NHS: variants seen among roughly 807,000 people sequenced by gnomAD.
NHS encodes NHS actin remodeling regulator.
In NHS, 5 loss-of-function variants were observed where a neutral mutation model predicts 72.5. That is an observed-to-expected ratio of 0.07 (90% CI 0.04 to 0.14). The LOEUF is 0.14. Ranked by LOEUF, NHS falls within the 10% of genes least tolerant of loss-of-function variation. The probability of loss-of-function intolerance (pLI) is 1.00; values close to 1 mark genes in which losing one functional copy is unlikely to be tolerated. For missense variants in NHS, 1,072 were observed against 1,355.7 expected (o/e 0.79, Z 3.29); for synonymous variants, 464 against 547.7 (o/e 0.85, Z 2.13).
In NHS at chrX:17,726,815, C is replaced by T. The variant is rs771010114; in HGVS notation, c.2709C>T (p.Asn903=). The change falls in exon 7 of 9, where the codon AAC becomes AAT. Residue 903 remains asparagine (N), a synonymous_variant. Transcript: ENST00000676302. ...DFANTPSRME[N]ANLPTKQEPS... is the part of the protein sequence containing the mutation. ...CCAACACGCCTTCTCGAATGGAAAA[C>T]GCCAATCTTCCCACCAAGCAGGAAC... is the stretch of plus-strand genomic sequence containing the variant. 3.1e-5 allele frequency: 38 copies of T among 1,210,134 alleles called. No homozygotes were observed. Among genetic ancestry groups the T allele is most frequent in the Admixed American group, 1.5e-4 (7 of 45,764 alleles).
intron 1 of NHS, among the ~76,000 whole-genome samples, chrX:17,505,256 C>T (rs904967738): frequency 4.5e-5 from 5 of 111,747 alleles, no homozygotes; most frequent in African/African-American, 1.6e-4. Context: ...AACATTGCTG[C>T]ATTGTGTATT....
chrX:17,659,222 G>A (rs1181704758), intron 1 of NHS, among the ~76,000 whole-genome samples: 1 of 112,248 alleles, frequency 8.9e-6, no homozygotes, highest in Non-Finnish European at 1.9e-5. Context: ...AATCTAGTCT[G>A]TGTGCAGTTT....
chrX:17,589,398 A>G (rs777265166), intron 1 of NHS, among the ~76,000 whole-genome samples: 1 of 111,891 alleles, frequency 8.9e-6, no homozygotes, highest in South Asian at 3.8e-4. Flanking sequence ...CCCACTTATA[A>G]GTAAGAACAT....
At chrX:17,507,993 C>T (rs1422937505) in intron 1 of NHS, among the ~76,000 whole-genome samples, 2 of 111,362 alleles carry the variant, frequency 1.8e-5, no homozygotes, top group African/African-American at 3.3e-5. Context: ...TCATAGTAAG[C>T]CTGAGGTTGT....
At position 17,726,061 on chromosome X, in the gene NHS, C is replaced by T. The variant is rs756326507; in HGVS notation, c.1955C>T (p.Ala652Val). 2 of 1,211,985 alleles carry T rather than the reference C, an allele frequency of 1.7e-6. No homozygotes were observed. The highest frequency in any genetic ancestry group is 2.2e-6 in the Non-Finnish European group (2 of 895,522). The change falls in exon 7 of 9, where the codon GCA (alanine) becomes GTA (valine). Residue 652 changes from alanine (A) to valine (V), a missense_variant. Coordinates refer to ENST00000676302, the MANE Select transcript of NHS (RefSeq NM_001291867.2). Reference sequence around the variant, plus strand: ...CAGACCTCAGAAACCATCCCTCCTGCAGCTTCTCCTCCACTCACTGGCTCT... The same window carrying T: ...CAGACCTCAGAAACCATCCCTCCTGTAGCTTCTCCTCCACTCACTGGCTCT... ...PSQTSETIPP[A>V]ASPPLTGSSH...
At chrX:17,714,509 C>T (rs1044635259) in intron 3 of NHS, among the ~76,000 whole-genome samples, 2 of 111,763 alleles carry the variant, frequency 1.8e-5, no homozygotes, top group African/African-American at 3.3e-5. Context: ...TCCTCCTGTG[C>T]TTTGCTGTCT....
intron 1 of NHS, among the ~76,000 whole-genome samples, chrX:17,580,487 A>G (rs1773370698): frequency 8.9e-6 from 1 of 112,409 alleles, no homozygotes; most frequent in Non-Finnish European, 1.9e-5. Flanking sequence ...TAGATAAAGT[A>G]GATAGTATGT....
chrX:17,623,542 T>C (rs1441137685), intron 1 of NHS, among the ~76,000 whole-genome samples: 1 of 111,044 alleles, frequency 9.0e-6, no homozygotes, highest in Admixed American at 9.5e-5. Flanking sequence ...TTGTTCCTGA[T>C]GAAGGTTGGA....
chrX:17,470,609 C>T (rs1569261264), intron 1 of NHS, among the ~76,000 whole-genome samples: 1 of 111,736 alleles, frequency 8.9e-6, no homozygotes, highest in East Asian at 2.8e-4. Flanking sequence ...CTGCCCAGGT[C>T]TCTTTACCTG....
intron 1 of NHS, among the ~76,000 whole-genome samples, chrX:17,540,227 C>T (rs181689465): frequency 1.8e-5 from 2 of 111,528 alleles, no homozygotes; most frequent in African/African-American, 6.5e-5. Flanking sequence ...TCCACAGTAA[C>T]CCTAGGGAGG....
chrX:17,598,398 T>C (rs1421666042), intron 1 of NHS, among the ~76,000 whole-genome samples: 1 of 112,488 alleles, frequency 8.9e-6, no homozygotes, highest in East Asian at 2.8e-4. Flanking sequence ...CCTTAACTCT[T>C]CTTTAGTCTC....
Position 17,468,424 on chromosome X carries a change from T to C in NHS, c.565+92102T>C, listed in dbSNP as rs184074519. Among the ~76,000 whole-genome samples, 156 of 110,189 alleles carry C rather than the reference T, an allele frequency of 1.4e-3. 1 individual carries two copies. Among genetic ancestry groups the C allele is most frequent in the African/African-American group, 4.7e-3 (144 of 30,404 alleles). On this transcript the variant is annotated intron_variant, in intron 1 of 8. Transcript: ENST00000676302. ...ACTCTCAGCTCATCATTTAAAGATATTGGGAGAGAGCTTTTTTTTTTTTTC... is the reference window on the plus strand; with the variant it reads ...ACTCTCAGCTCATCATTTAAAGATACTGGGAGAGAGCTTTTTTTTTTTTTC...
At chrX:17,403,939 C>T (rs2064514772) in intron 1 of NHS, among the ~76,000 whole-genome samples, 1 of 111,465 alleles carries the variant, frequency 9.0e-6, no homozygotes, top group African/African-American at 3.3e-5. Flanking sequence ...TCTAGTGCTA[C>T]CCGGACAGGT....
chrX:17,711,931 T>C (rs912530438), intron 3 of NHS, among the ~76,000 whole-genome samples: 11 of 110,617 alleles, frequency 9.9e-5, no homozygotes, highest in Non-Finnish European at 1.9e-4. Context: ...CTATAAACTT[T>C]ATAAGTATTT....
At chrX:17,713,064 CAA>C (rs2066344377) in intron 3 of NHS, among the ~76,000 whole-genome samples, 1 of 111,547 alleles carries the variant, frequency 9.0e-6, no homozygotes, top group Non-Finnish European at 1.9e-5. Flanking sequence ...GTTGGGAAGA[CAA>C]GAGCACAATG....
At chrX:17,691,188 C>T (rs925027897) in intron 2 of NHS, among the ~76,000 whole-genome samples, 1 of 111,925 alleles carries the variant, frequency 8.9e-6, no homozygotes, top group Non-Finnish European at 1.9e-5. Context: ...TCCCTTCCAA[C>T]TACTCCCCTC....
chrX:17,526,870 T>C (rs1235010998), intron 1 of NHS, among the ~76,000 whole-genome samples: 3 of 112,747 alleles, frequency 2.7e-5, no homozygotes, highest in Non-Finnish European at 5.6e-5. Context: ...ATTATTATCA[T>C]GAATGCATAT....
intron 1 of NHS, among the ~76,000 whole-genome samples, chrX:17,625,909 A>T (rs2147065365): frequency 8.9e-6 from 1 of 112,163 alleles, no homozygotes; most frequent in East Asian, 2.8e-4. Flanking sequence ...CTGAATTCAG[A>T]TGGTAAATTT....
intron 1 of NHS, among the ~76,000 whole-genome samples, chrX:17,582,687 A>G (rs1376728668): frequency 8.9e-6 from 1 of 112,524 alleles, no homozygotes; most frequent in Non-Finnish European, 1.9e-5. Context: ...GGTGGCTGCA[A>G]TGGGGGCTAA....
Sources: gnomAD v4.1 joint callset for allele counts (sites outside exome capture counted in the v4.1 genomes callset) on GRCh38, gnomAD v4.1.1 for gene constraint, MANE v1.5 for transcripts, NCBI Gene and HGNC (gene_info 2026-07-23, HGNC 2026-07-21) for gene names.